HSD3B1: variants seen among roughly 807,000 people sequenced by gnomAD.
HSD3B1 encodes the protein 3 beta-hydroxysteroid dehydrogenase/Delta 5-->4-isomerase type 1.
Under a neutral mutation model 10.4 loss-of-function variants are expected in HSD3B1, and 11 were observed. That is an observed-to-expected ratio of 1.05 (90% CI 0.66 to 1.75). The LOEUF is 1.75. HSD3B1 is among the 40% of genes most tolerant of loss of function. The probability of loss-of-function intolerance (pLI) is 0.00; values close to 1 mark genes in which losing one functional copy is unlikely to be tolerated. For missense variants in HSD3B1, 490 were observed against 454.5 expected (o/e 1.08, Z -0.71); for synonymous variants, 217 against 185.4 (o/e 1.17, Z -1.39).
chr1:119,511,656 T>C lies in HSD3B1; in HGVS notation c.299T>C (p.Val100Ala). The stretch of plus-strand genomic sequence containing the variant: ...ACTCACAGAGAGTCTATCATGAATG[T>C]CAATGTGAAAGGTATGGTAGGCTGG... ...GVTHRESIMN[V>A]NVKGTQLLLE... Residue 100 changes from valine (V) to alanine (A), a missense_variant, in exon 3 of 4, where the codon GTC becomes GCC. Physicochemically the swap from Val to Ala is moderately conservative, Grantham distance 64 (BLOSUM62 0). Coordinates refer to ENST00000369413, the MANE Select transcript of HSD3B1 (RefSeq NM_000862.3). 1 of 1,613,592 alleles carries C rather than the reference T, an allele frequency of 6.2e-7. No individual in the cohort carries two copies. Among genetic ancestry groups the C allele is most frequent in the Non-Finnish European group, 8.5e-7 (1 of 1,179,650 alleles).
intron 2 of HSD3B1, 53 bp downstream of exon 2, chr1:119,507,674 TG>T: frequency 6.3e-7 from 1 of 1,579,950 alleles, no homozygotes; most frequent in Non-Finnish European, 8.7e-7. Context: ...ACTGCATGTA[TG>T]TGGGGGGAGA....
In HSD3B1 at chr1:119,507,552, G is replaced by A. The variant is rs773442277; in HGVS notation, c.76G>A (p.Glu26Lys). 1 of 1,614,050 alleles carries A rather than the reference G, an allele frequency of 6.2e-7. No individual in the cohort carries two copies. Among genetic ancestry groups the A allele is most frequent in the East Asian group, 2.2e-5 (1 of 44,856 alleles). The change falls in exon 2 of 4, where the codon GAG becomes AAG. Residue 26 changes from glutamate to lysine, a missense_variant. By Grantham distance (56) the Glu-to-Lys change is moderately conservative (BLOSUM62 1). Coordinates refer to ENST00000369413, the MANE Select transcript of HSD3B1 (RefSeq NM_000862.3). ...GQRIIRLLVK[E>K]KELKEIRVLD... is the part of the protein sequence containing the mutation. Reference sequence around the variant, plus strand: ...GAGGATCATCCGCCTCTTGGTGAAGGAGAAGGAGCTGAAGGAGATCAGGGT... The same window carrying A: ...GAGGATCATCCGCCTCTTGGTGAAGAAGAAGGAGCTGAAGGAGATCAGGGT...
At chr1:119,507,738 C>A in intron 2 of HSD3B1, 117 bp downstream of exon 2, 1 of 1,021,166 alleles carries the variant, frequency 9.8e-7, no homozygotes, top group South Asian at 1.3e-5. Context: ...AAGCCAATCT[C>A]ACATCCAAAG....
chr1:119,507,360 T>G, intron 1 of HSD3B1, 32 bp from the exon 2 acceptor site: 27 of 1,013,098 alleles, frequency 2.7e-5, no homozygotes, highest in Non-Finnish European at 3.8e-5. Context: ...GGCATCTGTG[T>G]GAGTATATAA....
At chr1:119,510,668 A>C (rs1306397759) in intron 2 of HSD3B1, among the ~76,000 whole-genome samples, 1 of 129,980 alleles carries the variant, frequency 7.7e-6, no homozygotes. Context: ...AACTTCCTAC[A>C]CCACAACCCT....
chr1:119,512,311 C>T (rs753080110), intron 3 of HSD3B1, among the ~76,000 whole-genome samples: 5 of 152,188 alleles, frequency 3.3e-5, no homozygotes, highest in Non-Finnish European at 7.3e-5. Context: ...ATTCCAGAGC[C>T]GTTTTCAGCC....
chr1:119,511,199 G>A (rs587736501), intron 2 of HSD3B1, among the ~76,000 whole-genome samples: 1 of 152,216 alleles, frequency 6.6e-6, no homozygotes, highest in African/African-American at 2.4e-5. Flanking sequence ...ACTCTCCTTA[G>A]AAAATTTGAT....
chr1:119,507,549 A>G lies in HSD3B1; in HGVS notation c.73A>G (p.Lys25Glu). 1 of 1,614,012 alleles carries G rather than the reference A, an allele frequency of 6.2e-7. No homozygotes were observed. Among genetic ancestry groups the G allele is most frequent in the South Asian group, 1.1e-5 (1 of 91,072 alleles). The change falls in exon 2 of 4, where the codon AAG becomes GAG. Residue 25 changes from lysine (K) to glutamate (E), a missense_variant. Lys to Glu is a moderately conservative substitution (Grantham distance 56). Coordinates refer to ENST00000369413, the MANE Select transcript of HSD3B1 (RefSeq NM_000862.3). ...ACAGAGGATCATCCGCCTCTTGGTG[A>G]AGGAGAAGGAGCTGAAGGAGATCAG... ...LGQRIIRLLV[K>E]EKELKEIRVL...
rs1653810357 is a variant in HSD3B1, at chr1:119,507,229, C to T, written c.-119C>T. 4.2e-6 allele frequency: 2 copies of T among 475,370 alleles called. No individual in the cohort carries two copies. Among genetic ancestry groups the T allele is most frequent in the Non-Finnish European group, 7.7e-6 (2 of 259,732 alleles). The allele number at this position is 475,370 out of a possible 1,614,324, so 29.4% of individuals were successfully genotyped here. On this transcript the variant is annotated 5_prime_UTR_variant, in exon 1 of 4. Coordinates refer to ENST00000369413, the MANE Select transcript of HSD3B1 (RefSeq NM_000862.3). ...GGAAATGAGGTGAGAAGTACGTCCA[C>T]TCTTCTGTCCAGCTTTTAACAATCT...
At chr1:119,510,545 C>A (rs1024069745) in intron 2 of HSD3B1, among the ~76,000 whole-genome samples, 6 of 151,776 alleles carry the variant, frequency 4.0e-5, no homozygotes, top group African/African-American at 1.5e-4. Flanking sequence ...ACTGCTGGAC[C>A]CTGCTTCCAG....
In HSD3B1 at chr1:119,507,332, T is replaced by C. The variant is rs886229640; in HGVS notation, c.-85-60T>C. ...GGACACAGAATGTTTGCAAAAAAAA[T>C]GGGGTGGAGGAAAATGAGGCATCTG... On this transcript the variant is annotated intron_variant, in intron 1 of 3. Transcript: ENST00000369413. 3 of 750,664 alleles carry C rather than the reference T, an allele frequency of 4.0e-6. 1 individual carries two copies. The highest frequency in any genetic ancestry group is 3.5e-5 in the South Asian group (2 of 57,028). 46.5% of individuals were successfully genotyped at this position (750,664 alleles called of 1,614,324 possible).
chr1:119,514,766 T>C lies in HSD3B1; in HGVS notation c.*121T>C, dbSNP rs587603862. ...CTCAGGTCCTGCTGCCTCCCTTTCATACAATGGCCAACTTATTGTATTCCT... is the reference window on the plus strand; with the variant it reads ...CTCAGGTCCTGCTGCCTCCCTTTCACACAATGGCCAACTTATTGTATTCCT... On this transcript the variant is annotated 3_prime_UTR_variant, in exon 4 of 4. Transcript: ENST00000369413. 13 of 1,061,938 alleles carry C rather than the reference T, an allele frequency of 1.2e-5. No homozygotes were observed. Among genetic ancestry groups the C allele is most frequent in the Non-Finnish European group, 1.7e-5 (12 of 706,936 alleles). 65.8% of individuals were successfully genotyped at this position (1,061,938 alleles called of 1,614,324 possible). A position where few individuals can be genotyped will look rare whatever the true frequency, so the allele number is the denominator to read the frequency against.
At chr1:119,510,390 C>T (rs1344128597) in intron 2 of HSD3B1, among the ~76,000 whole-genome samples, 1 of 152,184 alleles carries the variant, frequency 6.6e-6, no homozygotes, top group Non-Finnish European at 1.5e-5. Flanking sequence ...AATGACTCCA[C>T]TCTCCTCCCA....
rs762870487 is a variant in HSD3B1, at chr1:119,513,822, C to T, written c.311-12C>T. On this transcript the variant is annotated splice_polypyrimidine_tract_variant and intron_variant, in intron 3 of 3. Transcript: ENST00000369413. ...TATATCCTGACAGTGACAATATGCTCTTCATGGACAGGTACCCAGCTCCTG... is the reference window on the plus strand; with the variant it reads ...TATATCCTGACAGTGACAATATGCTTTTCATGGACAGGTACCCAGCTCCTG... 2.5e-6 allele frequency: 4 copies of T among 1,612,712 alleles called. No individual in the cohort carries two copies. The highest frequency in any genetic ancestry group is 2.5e-6 in the Non-Finnish European group (3 of 1,179,250).
chr1:119,507,536 C>T lies in HSD3B1; in HGVS notation c.60C>T (p.Ile20=), dbSNP rs587593611. The change falls in exon 2 of 4, where the codon ATC becomes ATT. Residue 20 remains isoleucine, a synonymous_variant. Coordinates refer to ENST00000369413, the MANE Select transcript of HSD3B1 (RefSeq NM_000862.3). ...GAGGFLGQRI[I]RLLVKEKELK... ...GAGGGTTTCTGGGACAGAGGATCAT[C>T]CGCCTCTTGGTGAAGGAGAAGGAGC... 6.2e-7 allele frequency: 1 copy of T among 1,613,986 alleles called. No homozygotes were observed. The highest frequency in any genetic ancestry group is 8.5e-7 in the Non-Finnish European group (1 of 1,179,940).
chr1:119,508,740 T>C (rs1056606593), intron 2 of HSD3B1, among the ~76,000 whole-genome samples: 1 of 152,350 alleles, frequency 6.6e-6, no homozygotes, highest in Non-Finnish European at 1.5e-5. Flanking sequence ...ATGTGGGCTC[T>C]GGCTGCCCAG....
chr1:119,508,370 T>TAAA (rs71074421), intron 2 of HSD3B1, among the ~76,000 whole-genome samples: 1 of 140,608 alleles, frequency 7.1e-6, no homozygotes, highest in African/African-American at 2.6e-5. Context: ...GGCTTTTTTT[T>TAAA]AAAAAAAAAA....
At position 119,512,354 on chromosome 1, in the gene HSD3B1, A is replaced by G. The variant is rs587644864; in HGVS notation, c.310+687A>G. Among the ~76,000 whole-genome samples the G allele has an allele frequency of 9.2e-5, 14 of 152,140 alleles. No homozygotes were observed. The South Asian group carries it at 2.9e-3, about 32-fold the overall frequency. ...CAAAGTGCACCCTCATTTAATCTTCATCCCTTAAATGCTTGGCGTTTCCTT... is the reference window on the plus strand; with the variant it reads ...CAAAGTGCACCCTCATTTAATCTTCGTCCCTTAAATGCTTGGCGTTTCCTT... On this transcript the variant is annotated intron_variant, in intron 3 of 3. Coordinates refer to ENST00000369413, the MANE Select transcript of HSD3B1 (RefSeq NM_000862.3).
At chr1:119,510,426 G>T (rs2101458228) in intron 2 of HSD3B1, among the ~76,000 whole-genome samples, 1 of 152,268 alleles carries the variant, frequency 6.6e-6, no homozygotes, top group East Asian at 1.9e-4. Flanking sequence ...AACTGTAGGG[G>T]TGATTTTATC....
Sources: allele counts gnomAD v4.1 joint callset (sites outside exome capture counted in the v4.1 genomes callset), GRCh38; gene constraint gnomAD v4.1.1; transcripts MANE v1.5; gene names NCBI Gene and HGNC (gene_info 2026-07-23, HGNC 2026-07-21).